The following PPP1R21 variants were observed in gnomAD, a reference collection of about 807,000 sequenced individuals.
The protein encoded by PPP1R21 is KLRAQ motif containing 1.
A neutral mutation model predicts 112.8 loss-of-function variants in PPP1R21; 85 were observed. The observed-to-expected ratio is 0.75, with a 90% CI of 0.63 to 0.90. The LOEUF (loss-of-function observed/expected upper bound fraction) is 0.90, where lower values mean the gene tolerates loss of function less well. Ranked by LOEUF, PPP1R21 falls within the 40% of genes least tolerant of loss-of-function variation. The pLI, the probability that PPP1R21 is intolerant of heterozygous loss-of-function variation, is 0.00. For synonymous variants in PPP1R21, 381 were observed against 322.3 expected (o/e 1.18, Z -1.95); for missense variants, 1,199 against 901.5 (o/e 1.33, Z -4.23).
At chr2:48,478,179 C>G (rs905510531) in intron 12 of PPP1R21, among the ~76,000 whole-genome samples, 2 of 152,214 alleles carry the variant, frequency 1.3e-5, no homozygotes, top group African/African-American at 4.8e-5. Context: ...CCTGCCAACA[C>G]CTTGATTTTG....
rs190743925 is a variant in PPP1R21, at chr2:48,455,273, C to T, written c.273+532C>T. On this transcript the variant is annotated intron_variant, in intron 3 of 21. Transcript: ENST00000294952. ...GTGATTCTCCTGCCTCAACCTCCCACGTAGCTGTGATTGCGGGCATGTGGC... is the reference window on the plus strand; with the variant it reads ...GTGATTCTCCTGCCTCAACCTCCCATGTAGCTGTGATTGCGGGCATGTGGC... 4.9e-4 allele frequency among the ~76,000 whole-genome samples: 74 copies of T among 151,732 alleles called. 1 individual carries two copies. Among genetic ancestry groups the T allele is most frequent in the Admixed American group, 9.2e-4 (14 of 15,210 alleles).
At chr2:48,450,771 A>G (rs1395552809) in intron 1 of PPP1R21, among the ~76,000 whole-genome samples, 1 of 150,010 alleles carries the variant, frequency 6.7e-6, no homozygotes, top group Non-Finnish European at 1.5e-5. Flanking sequence ...CATTTTTGCC[A>G]TTGATTTTTT....
chr2:48,472,344 G>A (rs1243805457), intron 11 of PPP1R21, among the ~76,000 whole-genome samples: 1 of 151,754 alleles, frequency 6.6e-6, no homozygotes, highest in African/African-American at 2.4e-5. Context: ...TAAGTAGGTT[G>A]GCCAAGTGTG....
chr2:48,486,481 A>T lies in PPP1R21; in HGVS notation c.1319-150A>T, dbSNP rs569436157. 47 of 574,748 alleles carry T rather than the reference A, an allele frequency of 8.2e-5. No homozygotes were observed. In the African/African-American group the frequency reaches 8.3e-4, roughly 10 times the overall value. The allele number at this position is 574,748 out of a possible 1,614,324, so 35.6% of individuals were successfully genotyped here. A position where few individuals can be genotyped will look rare whatever the true frequency, so the allele number is the denominator to read the frequency against. ...TCCATGTAGATTTGTGACCTAATTG[A>T]TACTCAGTGCAATCCTGACACTTGA... On this transcript the variant is annotated intron_variant, in intron 13 of 21. Transcript: ENST00000294952.
intron 11 of PPP1R21, among the ~76,000 whole-genome samples, chr2:48,473,996 A>G (rs564975183): frequency 2.4e-4 from 37 of 152,356 alleles, no homozygotes; most frequent in East Asian, 7.7e-4. Context: ...CAGTGTTAAT[A>G]ATACCAGTTC....
intron 15 of PPP1R21, among the ~76,000 whole-genome samples, chr2:48,494,872 C>G (rs1669751839): frequency 6.6e-6 from 1 of 151,954 alleles, no homozygotes; most frequent in Admixed American, 6.6e-5. Flanking sequence ...TGTGTGCCAC[C>G]ACGCCTGGCT....
intron 13 of PPP1R21, among the ~76,000 whole-genome samples, chr2:48,484,313 C>G (rs566117414): frequency 5.9e-5 from 9 of 152,142 alleles, no homozygotes; most frequent in Non-Finnish European, 1.2e-4. Flanking sequence ...CAAATACAGC[C>G]CTTTCAAGGA....
chr2:48,509,965 G>A (rs1344500145), intron 19 of PPP1R21, 50 bp from the exon 20 acceptor site: 1 of 1,379,880 alleles, frequency 7.2e-7, no homozygotes, highest in Non-Finnish European at 1.0e-6. Context: ...AAGCAAATTT[G>A]GTTTTAGAAA....
intron 2 of PPP1R21, among the ~76,000 whole-genome samples, chr2:48,453,360 T>G (rs1457303266): frequency 2.0e-5 from 3 of 152,184 alleles, no homozygotes; most frequent in African/African-American, 7.2e-5. Flanking sequence ...TTTTTTTATT[T>G]TCTATTTTTT....
At chr2:48,452,737 T>C (rs1404239806) in intron 2 of PPP1R21, among the ~76,000 whole-genome samples, 1 of 151,974 alleles carries the variant, frequency 6.6e-6, no homozygotes, top group African/African-American at 2.4e-5. Flanking sequence ...GATTTGAATT[T>C]TTAAAATTTG....
chr2:48,465,027 T>G (rs974434977), intron 8 of PPP1R21, 38 bp downstream of exon 8: 1 of 1,493,198 alleles, frequency 6.7e-7, no homozygotes, highest in Non-Finnish European at 9.0e-7. Flanking sequence ...TTCAGTTATA[T>G]ATACATCAGA....
chr2:48,451,992 G>A (rs999264272), intron 2 of PPP1R21, among the ~76,000 whole-genome samples: 1 of 152,168 alleles, frequency 6.6e-6, no homozygotes, highest in South Asian at 2.1e-4. Context: ...CACTCTCAGG[G>A]TTGAGATGGT....
At position 48,496,835 on chromosome 2, in the gene PPP1R21, C is replaced by T. The variant is rs140402429; in HGVS notation, c.1692+1064C>T. On this transcript the variant is annotated intron_variant, in intron 16 of 21. Transcript: ENST00000294952. ...CAATCATGCCTATCCAGTGCAGTCT[C>T]CATGAAAAGCCCAAGAGGGCAGGGT... Among the ~76,000 whole-genome samples the T allele has an allele frequency of 2.6e-5, 4 of 152,322 alleles. No individual in the cohort carries two copies. In the East Asian group the frequency reaches 7.7e-4, roughly 29 times the overall value.
At chr2:48,504,919 A>G (rs1670306017) in intron 17 of PPP1R21, among the ~76,000 whole-genome samples, 1 of 152,190 alleles carries the variant, frequency 6.6e-6, no homozygotes, top group African/African-American at 2.4e-5. Flanking sequence ...TCTTGAGCCC[A>G]GGAATTTGAC....
chr2:48,499,520 T>G (rs1670003294), intron 17 of PPP1R21, among the ~76,000 whole-genome samples: 1 of 152,168 alleles, frequency 6.6e-6, no homozygotes, highest in Non-Finnish European at 1.5e-5. Context: ...CCCAGGACTT[T>G]GAGACCAGCT....
chr2:48,452,367 C>T (rs1667513722), intron 2 of PPP1R21, among the ~76,000 whole-genome samples: 1 of 152,084 alleles, frequency 6.6e-6, no homozygotes, highest in Non-Finnish European at 1.5e-5. Context: ...TTAGTGTTCA[C>T]AACAACCCGA....
At chr2:48,505,778 C>G (rs1220892874) in intron 18 of PPP1R21, among the ~76,000 whole-genome samples, 182 bp downstream of exon 18, 1 of 152,220 alleles carries the variant, frequency 6.6e-6, no homozygotes, top group African/African-American at 2.4e-5. Context: ...TTCTCTGGTT[C>G]TGTTTTGATG....
chr2:48,457,247 C>A (rs1260390795), intron 3 of PPP1R21, among the ~76,000 whole-genome samples: 1 of 152,180 alleles, frequency 6.6e-6, no homozygotes, highest in Non-Finnish European at 1.5e-5. Flanking sequence ...CTGAATACAT[C>A]GTTCTGCAGT....
In PPP1R21 at chr2:48,478,698, G is replaced by A. The variant is rs562793377; in HGVS notation, c.1226-1226G>A. Among the ~76,000 whole-genome samples the A allele has an allele frequency of 3.9e-5, 6 of 152,256 alleles. No homozygotes were observed. The South Asian group carries it at 6.2e-4, about 16-fold the overall frequency. ...TTGCGCTTCATTCTGACCCCAGGAGGGCTCTTCTTAGCTATTTCTGTTTCC... is the reference window on the plus strand; with the variant it reads ...TTGCGCTTCATTCTGACCCCAGGAGAGCTCTTCTTAGCTATTTCTGTTTCC... On this transcript the variant is annotated intron_variant, in intron 12 of 21. Coordinates refer to ENST00000294952, the MANE Select transcript of PPP1R21 (RefSeq NM_001135629.3).
Sources: allele counts gnomAD v4.1 joint callset (sites outside exome capture counted in the v4.1 genomes callset), GRCh38; gene constraint gnomAD v4.1.1; transcripts MANE v1.5; gene names NCBI Gene and HGNC (gene_info 2026-07-23, HGNC 2026-07-21).